Variants in RGS6 observed in about 807,000 individuals in gnomAD.
RGS6 encodes the protein regulator of G-protein signaling 6.
In RGS6, 30 loss-of-function variants were observed where a neutral mutation model predicts 78.5. The observed-to-expected ratio is 0.38, with a 90% CI of 0.29 to 0.52. RGS6 has a LOEUF of 0.52. RGS6 is among the 20% of genes least tolerant of loss of function. The pLI, the probability that RGS6 is intolerant of heterozygous loss-of-function variation, is 0.85. For missense variants in RGS6, 495 were observed against 609.7 expected (o/e 0.81, Z 1.98); for synonymous variants, 206 against 206.0 (o/e 1.00, Z 0.00).
chr14:72,288,946 G>T (rs2152311690), intron 2 of RGS6, among the ~76,000 whole-genome samples: 2 of 152,274 alleles, frequency 1.3e-5, no homozygotes, highest in Non-Finnish European at 2.9e-5. Context: ...GTTTATAAAT[G>T]CCAGTACCAA....
chr14:72,038,767 A>G (rs1184939405), intron 2 of RGS6, among the ~76,000 whole-genome samples: 1 of 152,210 alleles, frequency 6.6e-6, no homozygotes, highest in Non-Finnish European at 1.5e-5. Flanking sequence ...GTACTCTACA[A>G]CTTTGCTAAA....
At chr14:72,363,085 A>G (rs2081794714) in intron 3 of RGS6, among the ~76,000 whole-genome samples, 1 of 152,244 alleles carries the variant, frequency 6.6e-6, no homozygotes. Context: ...CACAGGAATG[A>G]AAAGGATACA....
intron 2 of RGS6, among the ~76,000 whole-genome samples, chr14:72,052,985 C>CTTTCTTTCTTTCTTTCTTTCTTTCTT (rs745409035): frequency 3.8e-5 from 2 of 53,324 alleles, no homozygotes; most frequent in Admixed American, 2.3e-4. Context: ...TTCTTTCTTT[C>CTTTCTTTCTTTCTTTCTTTCTTTCTT]TCTCTCTCTC....
chr14:72,456,088 GT>G (rs1290802399), intron 4 of RGS6, among the ~76,000 whole-genome samples: 1 of 152,164 alleles, frequency 6.6e-6, no homozygotes, highest in Non-Finnish European at 1.5e-5. Flanking sequence ...ATGAAAATCT[GT>G]TATACTCTGA....
At position 72,237,649 on chromosome 14, in the gene RGS6, C is replaced by T. The variant is rs111889875; in HGVS notation, c.85-114446C>T. 4.4e-3 allele frequency among the ~76,000 whole-genome samples: 672 copies of T among 152,232 alleles called. 5 individuals carry two copies. Among genetic ancestry groups the T allele is most frequent in the African/African-American group, 0.015 (619 of 41,526 alleles). Reference sequence around the variant, plus strand: ...ACTCTCTGACTGCTTGCTATTGAGACGGGAGAGTTCCCTTGACCCCTTTGC... The same window carrying T: ...ACTCTCTGACTGCTTGCTATTGAGATGGGAGAGTTCCCTTGACCCCTTTGC... On this transcript the variant is annotated intron_variant, in intron 2 of 17. Coordinates refer to ENST00000553525, the MANE Select transcript of RGS6 (RefSeq NM_001204424.2).
rs80145947 is a variant in RGS6 at position 72,128,414 on chromosome 14, A to G, written c.84+163539A>G. Among the ~76,000 whole-genome samples, 350 of 152,300 alleles carry G rather than the reference A, an allele frequency of 2.3e-3. 2 individuals are homozygous for G. The highest frequency in any genetic ancestry group is 8.0e-3 in the African/African-American group (333 of 41,560). On this transcript the variant is annotated intron_variant, in intron 2 of 17. Coordinates refer to ENST00000553525, the MANE Select transcript of RGS6 (RefSeq NM_001204424.2). ...ATTTGTAAATAGTTACATTGTGTTCATGTTTGCATTTCTGTTCTCAACCTG... is the reference window on the plus strand; with the variant it reads ...ATTTGTAAATAGTTACATTGTGTTCGTGTTTGCATTTCTGTTCTCAACCTG...
intron 2 of RGS6, among the ~76,000 whole-genome samples, chr14:72,338,569 A>G (rs1338707023): frequency 6.6e-6 from 1 of 152,258 alleles, no homozygotes; most frequent in Non-Finnish European, 1.5e-5. Flanking sequence ...GCACAGAATT[A>G]GTGCAGAGTT....
chr14:72,298,697 C>T (rs1317320318), intron 2 of RGS6, among the ~76,000 whole-genome samples: 1 of 152,080 alleles, frequency 6.6e-6, no homozygotes, highest in Non-Finnish European at 1.5e-5. Flanking sequence ...GTCCACCCGC[C>T]TCGGCCTCCC....
intron 3 of RGS6, among the ~76,000 whole-genome samples, chr14:72,356,545 C>T (rs911354377): frequency 6.6e-6 from 1 of 152,120 alleles, no homozygotes; most frequent in African/African-American, 2.4e-5. Context: ...GATTCGGATT[C>T]AAGTCTGAAG....
chr14:71,966,377 C>A (rs949125075), intron 2 of RGS6, among the ~76,000 whole-genome samples: 11 of 152,196 alleles, frequency 7.2e-5, no homozygotes, highest in Admixed American at 2.0e-4. Flanking sequence ...TAACCCATCT[C>A]TAAGAATCAT....
the RGS6 span, among the ~76,000 whole-genome samples, chr14:71,878,267 C>T: frequency 6.6e-6 from 1 of 152,242 alleles, no homozygotes; most frequent in Non-Finnish European, 1.5e-5. Context: ...CAGCTATGCC[C>T]TGCCACCAGA....
intron 13 of RGS6, 92 bp from the exon 14 acceptor site, chr14:72,510,062 A>G (rs2096859752): frequency 1.4e-6 from 2 of 1,399,144 alleles, no homozygotes; most frequent in Non-Finnish European, 1.9e-6. Context: ...TTGGTGAGTG[A>G]CTGCAAAACA....
chr14:71,906,452 G>A, the RGS6 span, among the ~76,000 whole-genome samples: 1 of 152,258 alleles, frequency 6.6e-6, no homozygotes, highest in African/African-American at 2.4e-5. Flanking sequence ...CTCTCTCTTA[G>A]CTTTCCTTAA....
chr14:72,286,227 T>C (rs1453632387), intron 2 of RGS6, among the ~76,000 whole-genome samples: 1 of 152,236 alleles, frequency 6.6e-6, no homozygotes, highest in Non-Finnish European at 1.5e-5. Flanking sequence ...CTTTTGCATA[T>C]AAGTATTCAT....
chr14:71,911,166 T>C, the RGS6 span, among the ~76,000 whole-genome samples: 1 of 152,182 alleles, frequency 6.6e-6, no homozygotes, highest in African/African-American at 2.4e-5. Context: ...CTTATTTGCA[T>C]TGTGACAGCA....
intron 12 of RGS6, among the ~76,000 whole-genome samples, chr14:72,480,028 G>A (rs2096336593): frequency 6.6e-6 from 1 of 152,156 alleles, no homozygotes; most frequent in African/African-American, 2.4e-5. Flanking sequence ...AGGTCCAGTG[G>A]TTCTAAGTAC....
At chr14:71,913,097 G>A in the RGS6 span, among the ~76,000 whole-genome samples, 2 of 152,082 alleles carry the variant, frequency 1.3e-5, no homozygotes, top group South Asian at 2.1e-4. Flanking sequence ...AAAGTGCTGG[G>A]ATTACAGGCG....
intron 3 of RGS6, among the ~76,000 whole-genome samples, chr14:72,357,451 A>T (rs771467084): frequency 2.0e-5 from 3 of 152,168 alleles, no homozygotes; most frequent in Non-Finnish European, 4.4e-5. Context: ...GACCTGTTGA[A>T]TGACTTTGAC....
intron 1 of RGS6, among the ~76,000 whole-genome samples, chr14:71,960,331 A>G (rs1244070149): frequency 2.0e-5 from 3 of 152,230 alleles, no homozygotes; most frequent in African/African-American, 7.2e-5. Context: ...AGGCTGGTTC[A>G]TATCAATAAA....
Sources: allele counts gnomAD v4.1 joint callset (sites outside exome capture counted in the v4.1 genomes callset), GRCh38; gene constraint gnomAD v4.1.1; transcripts MANE v1.5; gene names NCBI Gene and HGNC (gene_info 2026-07-23, HGNC 2026-07-21).